DTNA: variants seen among roughly 807,000 people sequenced by gnomAD.
The protein encoded by DTNA is dystrophin-related protein 3.
A neutral mutation model predicts 100.7 loss-of-function variants in DTNA; 43 were observed. That is an observed-to-expected ratio of 0.43 (90% CI 0.33 to 0.55). The LOEUF (loss-of-function observed/expected upper bound fraction) is 0.55. Ranked by LOEUF, DTNA falls within the 20% of genes least tolerant of loss-of-function variation. The probability of loss-of-function intolerance (pLI) is 0.04; values close to 1 mark genes in which losing one functional copy is unlikely to be tolerated. For missense variants in DTNA, 798 were observed against 953.9 expected (o/e 0.84, Z 2.15); for synonymous variants, 349 against 347.9 (o/e 1.00, Z -0.04).
At chr18:34,846,041 G>A (rs912475258) in intron 13 of DTNA, among the ~76,000 whole-genome samples, 6 of 151,982 alleles carry the variant, frequency 3.9e-5, no homozygotes, top group South Asian at 2.1e-4. Flanking sequence ...TTCATTTCAC[G>A]TATTTGTGTC....
chr18:34,717,026 T>C (rs953389794), intron 1 of DTNA, among the ~76,000 whole-genome samples: 4 of 152,208 alleles, frequency 2.6e-5, no homozygotes, highest in African/African-American at 9.7e-5. Flanking sequence ...TTTCTGCTCA[T>C]ATAAGGATGG....
chr18:34,608,657 A>G (rs2053607197), intron 1 of DTNA, among the ~76,000 whole-genome samples: 1 of 151,918 alleles, frequency 6.6e-6, no homozygotes, highest in African/African-American at 2.4e-5. Context: ...TTCCTTTTTG[A>G]GAAAAAAAAA....
chr18:34,617,341 A>T (rs2055514756), intron 1 of DTNA, among the ~76,000 whole-genome samples: 2 of 152,166 alleles, frequency 1.3e-5, no homozygotes, highest in Admixed American at 1.3e-4. Flanking sequence ...ATGATGGTTT[A>T]AATTTTTATC....
At chr18:34,533,189 G>A (rs2043321699) in intron 1 of DTNA, among the ~76,000 whole-genome samples, 1 of 151,594 alleles carries the variant, frequency 6.6e-6, no homozygotes, top group African/African-American at 2.4e-5. Flanking sequence ...TGACCAACAT[G>A]GTAAAACCCT....
chr18:34,743,238 T>A (rs918579944), intron 1 of DTNA, among the ~76,000 whole-genome samples: 1 of 152,152 alleles, frequency 6.6e-6, no homozygotes. Flanking sequence ...AAAATGCCAT[T>A]GTTTACTGCT....
At chr18:34,863,036 G>A (rs1167112628) in intron 16 of DTNA, among the ~76,000 whole-genome samples, 1 of 152,116 alleles carries the variant, frequency 6.6e-6, no homozygotes, top group Non-Finnish European at 1.5e-5. Context: ...GTTTTAGTAT[G>A]TAAGTATGAA....
chr18:34,655,576 GTGTCT>G (rs2074257390), intron 1 of DTNA, among the ~76,000 whole-genome samples: 1 of 152,142 alleles, frequency 6.6e-6, no homozygotes, highest in Non-Finnish European at 1.5e-5. Flanking sequence ...ATTTACTCAT[GTGTCT>G]TCACTTTTTA....
chr18:34,517,767 C>G lies in DTNA; in HGVS notation c.-2+24253C>G, dbSNP rs569141397. 4.6e-5 allele frequency among the ~76,000 whole-genome samples: 7 copies of G among 152,198 alleles called. No homozygotes were observed. In the East Asian group the frequency reaches 1.2e-3, roughly 25 times the overall value. Reference sequence around the variant, plus strand: ...TCATTGAGTTCTAGCCACCTTACCCCCTGTGTCCATAGTTCATTCCTTTTA... The same window carrying G: ...TCATTGAGTTCTAGCCACCTTACCCGCTGTGTCCATAGTTCATTCCTTTTA... On this transcript the variant is annotated intron_variant, in intron 1 of 19. Coordinates refer to the DTNA transcript ENST00000283365.
chr18:34,609,125 CT>C (rs1403976397), intron 1 of DTNA, among the ~76,000 whole-genome samples: 1 of 152,146 alleles, frequency 6.6e-6, no homozygotes, highest in African/African-American at 2.4e-5. Flanking sequence ...CCACACAATT[CT>C]CATAGGGATT....
intron 1 of DTNA, among the ~76,000 whole-genome samples, chr18:34,749,070 A>T (rs2092013668): frequency 6.6e-6 from 1 of 151,702 alleles, no homozygotes; most frequent in South Asian, 2.1e-4. Context: ...ATTTTATTTT[A>T]TTTGCAGCTG....
chr18:34,846,270 C>T lies in DTNA; in HGVS notation c.1347-2026C>T, dbSNP rs112773270. Among the ~76,000 whole-genome samples, 667 of 152,060 alleles carry T rather than the reference C, an allele frequency of 4.4e-3. 5 individuals are homozygous for T. Among genetic ancestry groups the T allele is most frequent in the African/African-American group, 0.016 (647 of 41,478 alleles). The stretch of plus-strand genomic sequence containing the variant: ...ACACTTTAAAATTTGAAAAGCACTG[C>T]TCTAGATAATTGTCAGATGGTAGAT... On this transcript the variant is annotated intron_variant, in intron 13 of 22. Coordinates refer to ENST00000444659, the MANE Select transcript of DTNA (RefSeq NM_001386795.1).
rs556938475 is a variant in DTNA at position 34,732,368 on chromosome 18, G to A, written c.-2+21923G>A. 1.4e-4 allele frequency among the ~76,000 whole-genome samples: 21 copies of A among 152,252 alleles called. No homozygotes were observed. The South Asian group carries it at 4.3e-3, about 32-fold the overall frequency. Reference sequence around the variant, plus strand: ...GAATATAACTCATTCTTATACAGCAGAGTCACCTGTATATGCCAAGACAGC... The same window carrying A: ...GAATATAACTCATTCTTATACAGCAAAGTCACCTGTATATGCCAAGACAGC... On this transcript the variant is annotated intron_variant, in intron 1 of 22. Transcript: ENST00000444659.
At chr18:34,870,330 T>A (rs1004716071) in intron 17 of DTNA, among the ~76,000 whole-genome samples, 1 of 152,148 alleles carries the variant, frequency 6.6e-6, no homozygotes, top group Non-Finnish European at 1.5e-5. Flanking sequence ...TTCCAAACAC[T>A]TCATGGAATA....
chr18:34,696,706 C>G (rs945581097), intron 1 of DTNA, among the ~76,000 whole-genome samples: 5 of 152,148 alleles, frequency 3.3e-5, no homozygotes, highest in African/African-American at 1.2e-4. Context: ...TGAAGAAGTA[C>G]AGCTGTACGA....
At chr18:34,872,462 ATG>A (rs1264288887) in intron 17 of DTNA, among the ~76,000 whole-genome samples, 1 of 152,206 alleles carries the variant, frequency 6.6e-6, no homozygotes, top group Admixed American at 6.5e-5. Flanking sequence ...AGATCCAGAT[ATG>A]TTCCAGAATT....
chr18:34,527,738 T>C (rs1018939815), intron 1 of DTNA, among the ~76,000 whole-genome samples: 2 of 152,052 alleles, frequency 1.3e-5, no homozygotes, highest in Admixed American at 6.6e-5. Flanking sequence ...TCAGAGAAAA[T>C]CATTGGTAAG....
At chr18:34,598,729 G>T (rs568838281) in intron 1 of DTNA, among the ~76,000 whole-genome samples, 62 of 152,188 alleles carry the variant, frequency 4.1e-4, no homozygotes, top group African/African-American at 1.4e-3. Flanking sequence ...AGCCAGGTGT[G>T]GTGGTGGGCA....
upstream of DTNA, among the ~76,000 whole-genome samples, chr18:34,708,009 G>A (rs1367263687): frequency 6.6e-6 from 1 of 152,132 alleles, no homozygotes; most frequent in Non-Finnish European, 1.5e-5. Context: ...GAGAAATCTT[G>A]CAATGTGCAA....
Position 34,620,457 on chromosome 18 carries a change from C to T in DTNA, c.-2+126943C>T, listed in dbSNP as rs150462740. On this transcript the variant is annotated intron_variant, in intron 1 of 19. Transcript: ENST00000283365. ...AGAATCTCTAGAACAGGTATTTGTG[C>T]GAAATACAGCTTACTCATCGTATTA... Among the ~76,000 whole-genome samples the T allele has an allele frequency of 8.4e-3, 1,271 of 152,170 alleles. 19 individuals carry two copies. The highest frequency in any genetic ancestry group is 0.028 in the African/African-American group (1,178 of 41,528).
Sources: gnomAD v4.1 joint callset for allele counts (sites outside exome capture counted in the v4.1 genomes callset) on GRCh38, gnomAD v4.1.1 for gene constraint, MANE v1.5 for transcripts, NCBI Gene and HGNC (gene_info 2026-07-23, HGNC 2026-07-21) for gene names.